Variants in EIF2AK3 observed in about 807,000 individuals in gnomAD.
The protein encoded by EIF2AK3 is eukaryotic translation initiation factor 2-alpha kinase 3.
In EIF2AK3, 50 loss-of-function variants were observed where a neutral mutation model predicts 113.5. The observed-to-expected ratio is 0.44, with a 90% CI of 0.35 to 0.56. EIF2AK3 has a LOEUF of 0.56. EIF2AK3 is among the 20% of genes least tolerant of loss of function. EIF2AK3 has a pLI of 0.00. For synonymous variants in EIF2AK3, 448 were observed against 495.4 expected, an observed-to-expected ratio of 0.90 and a Z score of 1.27; for missense variants, 1,185 against 1,378.0, an observed-to-expected ratio of 0.86 and a Z score of 2.22.
chr2:88,579,344 T>C (rs947653347), intron 11 of EIF2AK3, among the ~76,000 whole-genome samples, 174 bp downstream of exon 11: 5 of 152,210 alleles, frequency 3.3e-5, no homozygotes, highest in African/African-American at 9.6e-5. Flanking sequence ...AAGCAACCTA[T>C]AGAGATAACA....
intron 2 of EIF2AK3, among the ~76,000 whole-genome samples, chr2:88,605,769 A>G (rs1328491849): frequency 6.6e-6 from 1 of 151,130 alleles, no homozygotes; most frequent in East Asian, 1.9e-4. Flanking sequence ...TTGTGACTTA[A>G]AAAAAAAAGA....
intron 2 of EIF2AK3, among the ~76,000 whole-genome samples, chr2:88,604,364 G>A (rs1447360104): frequency 6.6e-6 from 1 of 152,134 alleles, no homozygotes; most frequent in Non-Finnish European, 1.5e-5. Flanking sequence ...AAGGCCTTGA[G>A]ATAGGCTATT....
intron 13 of EIF2AK3, chr2:88,574,370 C>A: frequency 2.3e-6 from 1 of 430,946 alleles, no homozygotes; most frequent in Non-Finnish European, 4.2e-6. Context: ...TGGATTTTAC[C>A]TAAAGATTCT....
Position 88,627,228 on chromosome 2 carries a change from A to G in EIF2AK3, c.47T>C (p.Leu16Pro), listed in dbSNP as rs1675892611. 1 of 1,478,332 alleles carries G rather than the reference A, an allele frequency of 6.8e-7. No homozygotes were observed. The highest frequency in any genetic ancestry group is 8.9e-7 in the Non-Finnish European group (1 of 1,120,984). 91.6% of individuals were successfully genotyped at this position (1,478,332 alleles called of 1,614,324 possible). The stretch of plus-strand genomic sequence containing the variant: ...CGCGAGCCCCAGCAGCAGCAGCAGC[A>G]GCAGCAGCGCCCGTACCAGCAGCCC... Reference protein sequence around the residue: ...SPGLLVRALLLLLLLLGLAAR... With the variant: ...SPGLLVRALLPLLLLLGLAAR... The change falls in exon 1 of 17, where the codon CTG becomes CCG. Residue 16 changes from leucine (L) to proline (P), a missense_variant. Transcript: ENST00000303236.
chr2:88,625,336 C>T (rs34258317), intron 1 of EIF2AK3, among the ~76,000 whole-genome samples: 18,532 of 127,502 alleles, frequency 0.15, 1,518 homozygotes, highest in East Asian at 0.32. Flanking sequence ...CAGACATACA[C>T]AGAGACAAAA....
At chr2:88,557,989 C>T in intron 16 of EIF2AK3, 53 bp from the exon 17 acceptor site, 2 of 1,569,784 alleles carry the variant, frequency 1.3e-6, no homozygotes, top group Non-Finnish European at 1.8e-6. Context: ...GATCACTGTA[C>T]AGTTTTTAAA....
chr2:88,624,903 C>T (rs1675821226), intron 1 of EIF2AK3: 1 of 152,262 alleles, frequency 6.6e-6, no homozygotes, highest in Admixed American at 6.5e-5. Context: ...TCCTATACCA[C>T]TTTACACTAA....
intron 6 of EIF2AK3, among the ~76,000 whole-genome samples, chr2:88,589,687 T>G (rs1674833414): frequency 1.3e-5 from 2 of 149,930 alleles, no homozygotes; most frequent in Non-Finnish European, 3.0e-5. Context: ...TTATAAATAA[T>G]TATATATATA....
Position 88,627,162 on chromosome 2 carries a change from G to C in EIF2AK3, c.113C>G (p.Ala38Gly). 6.9e-7 allele frequency: 1 copy of C among 1,441,382 alleles called. No individual in the cohort carries two copies. Among genetic ancestry groups the C allele is most frequent in the Non-Finnish European group, 9.1e-7 (1 of 1,104,090 alleles). 89.3% of individuals were successfully genotyped at this position (1,441,382 alleles called of 1,614,324 possible). ...GCCGAACGCCGCCTCCGCCGTCGGC[G>C]CTGGGAGGCCACGGGCGCGCCCCGC... ...VAAGRARGLP[A>G]PTAEAAFGLG... The change falls in exon 1 of 17, where the codon GCG (alanine) becomes GGG (glycine). Residue 38 changes from alanine (A) to glycine (G), a missense_variant. Around this residue, in one of 3 missense-constraint regions of EIF2AK3, gnomAD observed 189 missense variants for 175.2 expected, o/e 1.08. Coordinates refer to ENST00000303236, the MANE Select transcript of EIF2AK3 (RefSeq NM_004836.7).
Position 88,557,908 on chromosome 2 carries a change from G to A in EIF2AK3, c.3179C>T (p.Pro1060Leu). The change falls in exon 17 of 17, where the codon CCA (proline) becomes CTA (leucine). Residue 1060 changes from proline (P) to leucine (L), a missense_variant. By Grantham distance (98) the Pro-to-Leu change is moderately conservative (BLOSUM62 -3). Around this residue, in one of 3 missense-constraint regions of EIF2AK3, gnomAD observed 877 missense variants for 1,024.2 expected, o/e 0.86. Transcript: ENST00000303236. ...EYVMVQDMLS[P>L]SPMERPEAIN... ...AGCTTCAGGTCGTTCCATGGGGGAT[G>A]GAGAGAGCATGTCTTGAACCATCAC... The A allele has an allele frequency of 6.2e-7, 1 of 1,614,106 alleles. No individual in the cohort carries two copies. Among genetic ancestry groups the A allele is most frequent in the Non-Finnish European group, 8.5e-7 (1 of 1,179,982 alleles).
At chr2:88,566,813 C>G (rs541887462) in intron 14 of EIF2AK3, among the ~76,000 whole-genome samples, 1 of 151,966 alleles carries the variant, frequency 6.6e-6, no homozygotes, top group East Asian at 1.9e-4. Context: ...CTGAGCATGG[C>G]GGTGTGGACC....
At chr2:88,611,925 C>T (rs189810983) in intron 2 of EIF2AK3, among the ~76,000 whole-genome samples, 3 of 152,012 alleles carry the variant, frequency 2.0e-5, no homozygotes, top group East Asian at 3.9e-4. Context: ...GCCCGGCCTA[C>T]GATTCAACAT....
chr2:88,571,042 C>G lies in EIF2AK3; in HGVS notation c.2818-1G>C. The G allele has an allele frequency of 6.2e-7, 1 of 1,614,038 alleles. No individual in the cohort carries two copies. The highest frequency in any genetic ancestry group is 8.5e-7 in the Non-Finnish European group (1 of 1,180,002). ...CCATTGTAAAGAATATGTTGGATGG[C>G]TGGAAAGAATACAACAGACAAAAGT... is the stretch of plus-strand genomic sequence containing the variant. On this transcript the variant is annotated splice_acceptor_variant, in intron 13 of 16. Transcript: ENST00000303236. LOFTEE classifies it high-confidence loss of function.
Position 88,627,336 on chromosome 2 carries a change from C to T in EIF2AK3, c.-62G>A. On this transcript the variant is annotated 5_prime_UTR_variant, in exon 1 of 17. Coordinates refer to ENST00000303236, the MANE Select transcript of EIF2AK3 (RefSeq NM_004836.7). Reference sequence around the variant, plus strand: ...CCACTGACGCCTGCCTCTCCCGCCGCTTGGAGCTCCCAAGAAGGCAAGGAC... The same window carrying T: ...CCACTGACGCCTGCCTCTCCCGCCGTTTGGAGCTCCCAAGAAGGCAAGGAC... 2 of 1,427,072 alleles carry T rather than the reference C, an allele frequency of 1.4e-6. No individual in the cohort carries two copies. Among genetic ancestry groups the T allele is most frequent in the Non-Finnish European group, 1.8e-6 (2 of 1,090,792 alleles). 88.4% of individuals were successfully genotyped at this position (1,427,072 alleles called of 1,614,324 possible).
At position 88,604,572 on chromosome 2, in the gene EIF2AK3, T is replaced by G. The variant is rs147439016; in HGVS notation, c.439-8909A>C. Among the ~76,000 whole-genome samples, 149 of 152,296 alleles carry G rather than the reference T, an allele frequency of 9.8e-4. 1 individual carries two copies. Among genetic ancestry groups the G allele is most frequent in the African/African-American group, 3.5e-3 (147 of 41,562 alleles). On this transcript the variant is annotated intron_variant, in intron 2 of 16. Coordinates refer to ENST00000303236, the MANE Select transcript of EIF2AK3 (RefSeq NM_004836.7). Reference sequence around the variant, plus strand: ...TATTTGTACTATAATTATTTCATATTTGCCTCCCTAGCTGGCTCCACACAG... The same window carrying G: ...TATTTGTACTATAATTATTTCATATGTGCCTCCCTAGCTGGCTCCACACAG...
intron 3 of EIF2AK3, among the ~76,000 whole-genome samples, chr2:88,594,875 G>A (rs1674976263): frequency 6.8e-6 from 1 of 147,332 alleles, no homozygotes; most frequent in Non-Finnish European, 1.5e-5. Flanking sequence ...GGAAGACTGT[G>A]AAGATTGCAA....
Position 88,579,511 on chromosome 2 carries a change from C to G in EIF2AK3, c.1886+7G>C. ...ATTTCAAGTTTACTGAAGGTACCAC[C>G]CATTACCTATTGGGGAGACGGATCC... On this transcript the variant is annotated splice_region_variant and intron_variant, in intron 11 of 16. Transcript: ENST00000303236. 1.2e-6 allele frequency: 2 copies of G among 1,613,476 alleles called. No homozygotes were observed. The highest frequency in any genetic ancestry group is 1.7e-6 in the Non-Finnish European group (2 of 1,179,618).
At position 88,557,044 on chromosome 2, in the gene EIF2AK3, C is replaced by T. The variant is rs924557002; in HGVS notation, c.*692G>A. On this transcript the variant is annotated 3_prime_UTR_variant, in exon 17 of 17. Transcript: ENST00000303236. ...TAGTTGTAATATATATGATCCATTT[C>T]TTACTACGGCTTTTTTCCTCCCAAA... 1 of 152,528 alleles carries T rather than the reference C, an allele frequency of 6.6e-6. No homozygotes were observed. Among genetic ancestry groups the T allele is most frequent in the East Asian group, 1.9e-4 (1 of 5,196 alleles). 9.4% of individuals were successfully genotyped at this position (152,528 alleles called of 1,614,324 possible).
At chr2:88,580,479 TTTAAAC>T (rs1199380137) in intron 10 of EIF2AK3, among the ~76,000 whole-genome samples, 5 of 152,214 alleles carry the variant, frequency 3.3e-5, no homozygotes, top group Admixed American at 6.5e-5. Flanking sequence ...CTTTGAAGTA[TTTAAAC>T]TTAATCTTAA....
Sources: gnomAD v4.1 joint callset for allele counts (sites outside exome capture counted in the v4.1 genomes callset) on GRCh38, gnomAD v4.1.1 for gene constraint, gnomAD v4.1.1 regional missense constraint, MANE v1.5 for transcripts, NCBI Gene and HGNC (gene_info 2026-07-23, HGNC 2026-07-21) for gene names.